Variants in AADAT observed in about 807,000 individuals in gnomAD.
The protein encoded by AADAT is kynurenine/alpha-aminoadipate aminotransferase, mitochondrial.
AADAT carries 25 observed loss-of-function variants against 56.2 expected under a neutral mutation model. The observed-to-expected ratio is 0.44, with a 90% CI of 0.32 to 0.62. The LOEUF (loss-of-function observed/expected upper bound fraction) is 0.62. Ranked by LOEUF, AADAT falls within the 20% of genes least tolerant of loss-of-function variation. AADAT has a pLI of 0.04. For synonymous variants in AADAT, 173 were observed against 164.7 expected, an observed-to-expected ratio of 1.05 and a Z score of -0.39; for missense variants, 387 against 510.5, an observed-to-expected ratio of 0.76 and a Z score of 2.33.
chr4:170,085,793 C>G (rs1732531392), intron 3 of AADAT, among the ~76,000 whole-genome samples: 1 of 151,902 alleles, frequency 6.6e-6, no homozygotes, highest in Non-Finnish European at 1.5e-5. Flanking sequence ...TTTTTAAAAA[C>G]TTTAAAAAAT....
chr4:170,087,184 G>T lies in AADAT; in HGVS notation c.301C>A (p.His101Asn). ...QIKLHNPPTI[H>N]YPPSQGQMDL... The stretch of plus-strand genomic sequence containing the variant: ...ATTTGTCCTTGACTGGGTGGGTAAT[G>T]GATGGTAGGAGGATTATGCAATTTT... Residue 101 changes from histidine (H) to asparagine (N), a missense_variant, in exon 3 of 13, where the codon CAT (histidine) becomes AAT (asparagine). His to Asn is a moderately conservative substitution (Grantham distance 68). Coordinates refer to ENST00000337664, the MANE Select transcript of AADAT (RefSeq NM_016228.4). 1 of 1,614,132 alleles carries T rather than the reference G, an allele frequency of 6.2e-7. No individual in the cohort carries two copies. The highest frequency in any genetic ancestry group is 8.5e-7 in the Non-Finnish European group (1 of 1,180,008).
At chr4:170,073,380 G>T (rs1438583297) in intron 4 of AADAT, 35 bp from the exon 5 acceptor site, 2 of 1,556,122 alleles carry the variant, frequency 1.3e-6, no homozygotes, top group Non-Finnish European at 1.7e-6. Context: ...AGTCAGTCAT[G>T]ATTACAAATG....
intron 6 of AADAT, 145 bp downstream of exon 6, chr4:170,070,442 T>C (rs192809004): frequency 2.1e-4 from 124 of 587,466 alleles, no homozygotes; most frequent in Non-Finnish European, 2.5e-4. Flanking sequence ...AAAAGTAAAG[T>C]AGTAGCAAAT....
At chr4:170,078,444 C>A (rs534528938) in intron 4 of AADAT, 65 bp downstream of exon 4, 782 of 904,422 alleles carry the variant, frequency 8.6e-4, no homozygotes, top group Non-Finnish European at 1.2e-3. Context: ...ATTATAAAAC[C>A]TTTATTATAA....
At chr4:170,078,725 C>T in intron 3 of AADAT, 142 bp from the exon 4 acceptor site, 2 of 465,256 alleles carry the variant, frequency 4.3e-6, no homozygotes, top group Non-Finnish European at 7.6e-6. Flanking sequence ...AAACAGTAAA[C>T]ACTTTGCGGG....
intron 3 of AADAT, among the ~76,000 whole-genome samples, chr4:170,086,241 G>A (rs1349737503): frequency 1.3e-5 from 2 of 149,970 alleles, no homozygotes; most frequent in Non-Finnish European, 3.0e-5. Flanking sequence ...GTGAGACCCT[G>A]TCTCAAAAAA....
intron 3 of AADAT, among the ~76,000 whole-genome samples, chr4:170,085,517 G>GT (rs1413358066): frequency 1.4e-4 from 22 of 152,182 alleles, no homozygotes; most frequent in Non-Finnish European, 2.8e-4. Flanking sequence ...TCTGTAAGTA[G>GT]TAAGTTATTG....
At chr4:170,084,987 C>T (rs1479418242) in intron 3 of AADAT, among the ~76,000 whole-genome samples, 1 of 152,174 alleles carries the variant, frequency 6.6e-6, no homozygotes, top group Non-Finnish European at 1.5e-5. Context: ...TCCTCTTCCT[C>T]CTTCTCCTCA....
intron 11 of AADAT, 104 bp downstream of exon 11, chr4:170,064,615 G>A (rs1581567394): frequency 1.2e-6 from 1 of 836,756 alleles, no homozygotes; most frequent in East Asian, 2.6e-5. Flanking sequence ...TGAGTTGGCT[G>A]GTGGGCAACA....
chr4:170,081,509 G>A (rs1056104739), intron 3 of AADAT, among the ~76,000 whole-genome samples: 1 of 152,042 alleles, frequency 6.6e-6, no homozygotes, highest in Non-Finnish European at 1.5e-5. Flanking sequence ...AGGCATATAA[G>A]AATTAAACTC....
At chr4:170,092,338 A>G (rs1732888192), upstream of AADAT, among the ~76,000 whole-genome samples, 1 of 152,244 alleles carries the variant, frequency 6.6e-6, no homozygotes, top group Admixed American at 6.5e-5. Context: ...ACCCACAGGG[A>G]GGAGTAAACA....
intron 8 of AADAT, 112 bp downstream of exon 8, chr4:170,068,479 C>G (rs956080491): frequency 2.8e-6 from 2 of 709,188 alleles, no homozygotes; most frequent in African/African-American, 3.8e-5. Context: ...GCAAAGAAGG[C>G]AAACTATGAG....
chr4:170,065,504 A>G (rs2111146445), intron 10 of AADAT, among the ~76,000 whole-genome samples: 1 of 151,770 alleles, frequency 6.6e-6, no homozygotes, highest in Middle Eastern at 3.4e-3. Context: ...AAAGATACTA[A>G]TTCTGTTTTT....
At chr4:170,076,412 G>A (rs1419574728) in intron 4 of AADAT, among the ~76,000 whole-genome samples, 4 of 152,098 alleles carry the variant, frequency 2.6e-5, no homozygotes, top group Non-Finnish European at 4.4e-5. Flanking sequence ...ACCACTACAC[G>A]ATCATGGAAC....
intron 3 of AADAT, among the ~76,000 whole-genome samples, chr4:170,080,773 G>A (rs1430586105): frequency 6.6e-6 from 1 of 152,124 alleles, no homozygotes; most frequent in Non-Finnish European, 1.5e-5. Flanking sequence ...AGGAAGCAGT[G>A]ACCCAACAAT....
chr4:170,078,378 T>C (rs1432045558), intron 4 of AADAT, 131 bp downstream of exon 4: 4 of 522,462 alleles, frequency 7.7e-6, no homozygotes, highest in Non-Finnish European at 6.5e-6. Flanking sequence ...ATTTCATTTT[T>C]CTGTGGACAG....
rs755371345 is a variant in AADAT, at chr4:170,062,013, A to G, written c.1135-20T>C. On this transcript the variant is annotated intron_variant, in intron 11 of 12. Transcript: ENST00000337664. ...TAATACCTAAGAGAGTTTGTGGAAG[A>G]TAAGTAATGTACCACTAAAGAAAAA... 9 of 1,549,816 alleles carry G rather than the reference A, an allele frequency of 5.8e-6. No individual in the cohort carries two copies. Among genetic ancestry groups the G allele is most frequent in the African/African-American group, 1.4e-5 (1 of 73,444 alleles).
chr4:170,072,615 C>T (rs1294608736), intron 5 of AADAT, among the ~76,000 whole-genome samples: 1 of 152,020 alleles, frequency 6.6e-6, no homozygotes, highest in Admixed American at 6.6e-5. Flanking sequence ...AGAGACTTTC[C>T]AAAAAGCACA....
chr4:170,067,030 G>T (rs1731501057), intron 9 of AADAT, among the ~76,000 whole-genome samples: 1 of 152,166 alleles, frequency 6.6e-6, no homozygotes, highest in South Asian at 2.1e-4. Flanking sequence ...ATATTTATAT[G>T]TATGAAGTTT....
Sources: gnomAD v4.1 joint callset for allele counts (sites outside exome capture counted in the v4.1 genomes callset) on GRCh38, gnomAD v4.1.1 for gene constraint, MANE v1.5 for transcripts, NCBI Gene and HGNC (gene_info 2026-07-23, HGNC 2026-07-21) for gene names.